The following ST3GAL1 variants were observed in gnomAD, a reference collection of about 807,000 sequenced individuals.
ST3GAL1 encodes CMP-N-acetylneuraminate-beta-galactosamide-alpha-2,3-sialyltransferase 1.
In ST3GAL1, 16 loss-of-function variants were observed where a neutral mutation model predicts 34.1. That is an observed-to-expected ratio of 0.47 (90% confidence interval 0.32 to 0.71). ST3GAL1 has a LOEUF of 0.71. Ranked by LOEUF, ST3GAL1 falls within the 30% of genes least tolerant of loss-of-function variation. The probability of loss-of-function intolerance (pLI) is 0.04; values close to 1 mark genes in which losing one functional copy is unlikely to be tolerated. For missense variants in ST3GAL1, 353 were observed against 447.4 expected (o/e 0.79, Z 1.90); for synonymous variants, 191 against 184.7 (o/e 1.03, Z -0.28).
chr8:133,511,408 G>A (rs896839719), intron 2 of ST3GAL1, among the ~76,000 whole-genome samples: 2 of 152,198 alleles, frequency 1.3e-5, no homozygotes, highest in Non-Finnish European at 2.9e-5. Flanking sequence ...GGCCTACAAT[G>A]GCTAACATTT....
chr8:133,492,049 G>A (rs571453059), intron 3 of ST3GAL1, among the ~76,000 whole-genome samples: 32 of 152,248 alleles, frequency 2.1e-4, no homozygotes, highest in African/African-American at 7.0e-4. Flanking sequence ...ACGGGGTCAG[G>A]GCATGCTCAG....
At chr8:133,540,858 T>TATATAGAC (rs1818464167) in intron 2 of ST3GAL1, among the ~76,000 whole-genome samples, 1 of 114,412 alleles carries the variant, frequency 8.7e-6, no homozygotes, top group African/African-American at 3.4e-5. Context: ...TATAGAGACA[T>TATATAGAC]ATATATAGAG....
At chr8:133,534,578 C>T (rs1423255719) in intron 2 of ST3GAL1, among the ~76,000 whole-genome samples, 1 of 152,284 alleles carries the variant, frequency 6.6e-6, no homozygotes, top group East Asian at 1.9e-4. Context: ...TTCTGGCCTG[C>T]ATGGAACGCA....
At chr8:133,552,382 T>A (rs1479148739) in intron 1 of ST3GAL1, among the ~76,000 whole-genome samples, 13 of 152,130 alleles carry the variant, frequency 8.5e-5, no homozygotes. Flanking sequence ...TGAGGAATGG[T>A]GAGAGGACCT....
chr8:133,523,627 G>A (rs1300604219), intron 2 of ST3GAL1, among the ~76,000 whole-genome samples: 2 of 152,156 alleles, frequency 1.3e-5, no homozygotes, highest in Non-Finnish European at 1.5e-5. Flanking sequence ...CGACTCTCAT[G>A]GGACTCTCAG....
chr8:133,540,742 T>TATATATATATATAGACATATATATATAG (rs1563733823), intron 2 of ST3GAL1, among the ~76,000 whole-genome samples: 1 of 90,912 alleles, frequency 1.1e-5, no homozygotes, highest in Admixed American at 1.1e-4. Context: ...TATATATATA[T>TATATATATATATAGACATATATATATAG]AGACATATAT....
rs1235830912 is a variant in ST3GAL1, at chr8:133,465,850, C to G, written c.503+44G>C. ...ATGCTTCCTACAGCTCCAAGGGGCC[C>G]CTGGGTGCAGCACGGTAGGCTTGGG... On this transcript the variant is annotated intron_variant, in intron 6 of 9. Coordinates refer to ENST00000522652, the MANE Select transcript of ST3GAL1 (RefSeq NM_173344.3). 11 of 1,581,706 alleles carry G rather than the reference C, an allele frequency of 7.0e-6. No homozygotes were observed. The African/African-American group carries it at 1.5e-4, about 21-fold the overall frequency.
At chr8:133,481,173 A>C (rs984286734) in intron 3 of ST3GAL1, among the ~76,000 whole-genome samples, 3 of 152,224 alleles carry the variant, frequency 2.0e-5, no homozygotes, top group Non-Finnish European at 4.4e-5. Flanking sequence ...GTATGACAAA[A>C]ATGCAGAGGC....
At chr8:133,464,584 TTTG>T (rs1442781777) in intron 7 of ST3GAL1, among the ~76,000 whole-genome samples, 191 bp downstream of exon 7, 4 of 151,942 alleles carry the variant, frequency 2.6e-5, no homozygotes, top group Non-Finnish European at 4.4e-5. Flanking sequence ...AAGCTTGTGG[TTTG>T]TTAAGTGATA....
At chr8:133,509,779 C>A (rs1248216067) in intron 2 of ST3GAL1, among the ~76,000 whole-genome samples, 1 of 152,164 alleles carries the variant, frequency 6.6e-6, no homozygotes, top group Non-Finnish European at 1.5e-5. Flanking sequence ...GAAGGAGGAC[C>A]AGGCACCGTG....
chr8:133,562,743 C>A (rs1395401404), intron 1 of ST3GAL1, among the ~76,000 whole-genome samples: 3 of 151,896 alleles, frequency 2.0e-5, no homozygotes, highest in African/African-American at 4.8e-5. Context: ...TTATTTTGGG[C>A]TCCAGTCGAG....
intron 2 of ST3GAL1, among the ~76,000 whole-genome samples, chr8:133,509,324 C>T (rs562505401): frequency 2.0e-5 from 3 of 152,230 alleles, no homozygotes; most frequent in Admixed American, 1.3e-4. Context: ...AAAGTTCTAT[C>T]GGAGAACACT....
chr8:133,556,003 C>T lies in ST3GAL1; in HGVS notation c.-581-10077G>A, dbSNP rs535306464. Among the ~76,000 whole-genome samples, 97 of 152,292 alleles carry T rather than the reference C, an allele frequency of 6.4e-4. No individual in the cohort carries two copies. Among genetic ancestry groups the T allele is most frequent in the Middle Eastern group, 3.4e-3 (1 of 294 alleles). The stretch of plus-strand genomic sequence containing the variant: ...CCGCCTCCCAAGTTCAAGCAATTCT[C>T]GTGCCTCAGCCTCCCGCGTAGCTGG... On this transcript the variant is annotated intron_variant, in intron 1 of 9. Coordinates refer to ENST00000522652, the MANE Select transcript of ST3GAL1 (RefSeq NM_173344.3). The surrounding 1 kb of genome is among the most constrained non-coding windows in gnomAD (Gnocchi z 8.9).
rs1300019786 is a variant in ST3GAL1 at position 133,467,699 on chromosome 8, G to A, written c.307-1609C>T. ...CAGGGGCAAGGGGTGGCTGGGAGAG[G>A]AAGGAGTGGCCAGCAGTGGCTTTGG... On this transcript the variant is annotated intron_variant, in intron 5 of 9. Coordinates refer to ENST00000522652, the MANE Select transcript of ST3GAL1 (RefSeq NM_173344.3). This position sits in a 1 kb window ranked among gnomAD's most constrained non-coding sequence, Gnocchi z 4.2. Among the ~76,000 whole-genome samples, 1 of 152,198 alleles carries A rather than the reference G, an allele frequency of 6.6e-6. No individual in the cohort carries two copies. The highest frequency in any genetic ancestry group is 2.4e-5 in the African/African-American group (1 of 41,450).
chr8:133,527,082 C>T lies in ST3GAL1; in HGVS notation c.-429+18692G>A, dbSNP rs1453937013. On this transcript the variant is annotated intron_variant, in intron 2 of 9. Transcript: ENST00000522652. ...GGCCCAGGGCACCCATCCATGCTAA[C>T]TAAGGTGCAAGTTCGTACTGTCACT... 3.3e-5 allele frequency among the ~76,000 whole-genome samples: 5 copies of T among 152,138 alleles called. No individual in the cohort carries two copies. In the East Asian group the frequency reaches 9.6e-4, roughly 29 times the overall value.
chr8:133,567,924 C>CT (rs34290746), intron 1 of ST3GAL1, among the ~76,000 whole-genome samples: 19 of 146,474 alleles, frequency 1.3e-4, no homozygotes, highest in Middle Eastern at 3.6e-3. Flanking sequence ...GCCTTGCTCT[C>CT]TTTTTTTTTT....
chr8:133,495,270 T>C (rs946516539), intron 3 of ST3GAL1, among the ~76,000 whole-genome samples: 1 of 152,100 alleles, frequency 6.6e-6, no homozygotes, highest in Admixed American at 6.5e-5. Flanking sequence ...ACTTAATACA[T>C]AGCTGAAAGG....
Position 133,459,668 on chromosome 8 carries a change from G to T in ST3GAL1, c.*96C>A. 6.8e-7 allele frequency: 1 copy of T among 1,464,948 alleles called. No individual in the cohort carries two copies. Among genetic ancestry groups the T allele is most frequent in the Non-Finnish European group, 9.2e-7 (1 of 1,090,792 alleles). 90.7% of individuals were successfully genotyped at this position (1,464,948 alleles called of 1,614,324 possible). A position where few individuals can be genotyped will look rare whatever the true frequency, so the allele number is the denominator to read the frequency against. On this transcript the variant is annotated 3_prime_UTR_variant, in exon 10 of 10. Transcript: ENST00000522652. The surrounding 1 kb of genome is among the most constrained non-coding windows in gnomAD (Gnocchi z 4.7). ...GGTGCCCAGGCACACACCTGAGGCT[G>T]CCCCTCCAAGCTCCGGGATGGAACG...
chr8:133,526,474 G>C (rs2131036393), intron 2 of ST3GAL1, among the ~76,000 whole-genome samples: 1 of 152,260 alleles, frequency 6.6e-6, no homozygotes, highest in Admixed American at 6.5e-5. Flanking sequence ...CAACCAGCCA[G>C]CATCTTTCTT....
Sources: allele counts gnomAD v4.1 joint callset (sites outside exome capture counted in the v4.1 genomes callset), GRCh38; gene constraint gnomAD v4.1.1; non-coding constraint Gnocchi (gnomAD v3.1); transcripts MANE v1.5; gene names NCBI Gene and HGNC (gene_info 2026-07-23, HGNC 2026-07-21).